BICRA: variants seen among roughly 807,000 people sequenced by gnomAD.
BICRA encodes the protein BRD4-interacting chromatin-remodeling complex-associated protein.
A neutral mutation model predicts 96.9 loss-of-function variants in BICRA; 31 were observed. The ratio of observed to expected loss-of-function variants is 0.32; its 90% confidence interval spans 0.24 to 0.43. The LOEUF (loss-of-function observed/expected upper bound fraction) is 0.43, where lower values mean the gene tolerates loss of function less well. Ranked by LOEUF, BICRA falls within the 20% of genes least tolerant of loss-of-function variation. The pLI is 1.00. For missense variants in BICRA, 2,283 were observed against 2,190.3 expected (o/e 1.04, Z -0.84); for synonymous variants, 1,350 against 1,071.8 (o/e 1.26, Z -5.07).
At chr19:47,666,665 T>TA (rs1972783963) in intron 1 of BICRA, among the ~76,000 whole-genome samples, 1 of 151,936 alleles carries the variant, frequency 6.6e-6, no homozygotes, top group East Asian at 1.9e-4. Flanking sequence ...TTGGCCTCTG[T>TA]AGCTCAAGTA....
Position 47,681,054 on chromosome 19 carries a change from C to T in BICRA, c.1884C>T (p.Pro628=), listed in dbSNP as rs1354006412. 3 of 1,407,628 alleles carry T rather than the reference C, an allele frequency of 2.1e-6. No homozygotes were observed. Among genetic ancestry groups the T allele is most frequent in the Non-Finnish European group, 2.8e-6 (3 of 1,087,892 alleles). The allele number at this position is 1,407,628 out of a possible 1,614,324, so 87.2% of individuals were successfully genotyped here. A position where few individuals can be genotyped will look rare whatever the true frequency, so the allele number is the denominator to read the frequency against. Residue 628 remains proline (P), a synonymous_variant, in exon 6 of 15, where the codon CCC becomes CCT. Coordinates refer to ENST00000594866, the MANE Select transcript of BICRA (RefSeq NM_001394372.1). ...CGGTGCAGCCTGCCCCCCAGGCGCC[C>T]CCCGCGGTCAGCACACCCCTGCCCC... The part of the protein sequence containing the change: ...VLTVQPAPQA[P]PAVSTPLPLG...
intron 1 of BICRA, among the ~76,000 whole-genome samples, chr19:47,641,980 T>C (rs8182469): frequency 0.33 from 50,747 of 152,030 alleles, 8,881 homozygotes; most frequent in East Asian, 0.59. Flanking sequence ...GTTTCTTAAG[T>C]CCTTTTTTGG....
intron 1 of BICRA, among the ~76,000 whole-genome samples, chr19:47,634,954 G>T (rs143580756): frequency 6.6e-6 from 1 of 151,848 alleles, no homozygotes; most frequent in South Asian, 2.1e-4. Context: ...AGTAGAGATG[G>T]GGTTTCACTG....
chr19:47,635,311 G>A (rs1175187580), intron 1 of BICRA, among the ~76,000 whole-genome samples: 1 of 151,356 alleles, frequency 6.6e-6, no homozygotes, highest in East Asian at 1.9e-4. Context: ...GCAGTGGCTG[G>A]ATCTTGGCTC....
chr19:47,669,807 C>G (rs1053259349), intron 1 of BICRA, among the ~76,000 whole-genome samples: 1 of 150,788 alleles, frequency 6.6e-6, no homozygotes, highest in Non-Finnish European at 1.5e-5. Flanking sequence ...CAGGCGCCCG[C>G]CAGCACGCCC....
At chr19:47,670,059 C>T (rs1303517074) in intron 1 of BICRA, among the ~76,000 whole-genome samples, 3 of 152,088 alleles carry the variant, frequency 2.0e-5, no homozygotes, top group African/African-American at 7.2e-5. Flanking sequence ...TCAAGCGATT[C>T]TCCTGCCTCA....
intron 1 of BICRA, among the ~76,000 whole-genome samples, chr19:47,650,805 A>G (rs1362940518): frequency 2.0e-5 from 3 of 152,106 alleles, no homozygotes; most frequent in Non-Finnish European, 4.4e-5. Flanking sequence ...GCTTCACTGA[A>G]GAGGGCAGTG....
At chr19:47,696,977 C>G (rs1973354599) in intron 11 of BICRA, among the ~76,000 whole-genome samples, 1 of 144,814 alleles carries the variant, frequency 6.9e-6, no homozygotes, top group South Asian at 2.3e-4. Flanking sequence ...CTCTCCTGCC[C>G]TCCTTCCACC....
At chr19:47,695,588 AC>A in intron 10 of BICRA, 114 bp downstream of exon 10, 1 of 633,124 alleles carries the variant, frequency 1.6e-6, no homozygotes. Context: ...TGAAGCTGGG[AC>A]CATCAGGCAG....
At chr19:47,631,137 C>T (rs1044807531) in intron 1 of BICRA, among the ~76,000 whole-genome samples, 5 of 152,158 alleles carry the variant, frequency 3.3e-5, no homozygotes, top group Non-Finnish European at 7.3e-5. Context: ...CTTACTGTAA[C>T]GTTGAACTCC....
At chr19:47,646,629 A>G (rs1972463845) in intron 1 of BICRA, among the ~76,000 whole-genome samples, 1 of 152,212 alleles carries the variant, frequency 6.6e-6, no homozygotes, top group East Asian at 1.9e-4. Flanking sequence ...TCCTCCTGAC[A>G]GTCCCTTGAA....
Position 47,679,414 on chromosome 19 carries a change from C to T in BICRA, c.244C>T (p.Leu82=), listed in dbSNP as rs1035833505. ...VDLDFLEDDI[L]GSPATGGGGG... ...CCTAGACTTCCTGGAAGATGACATC[C>T]TGGGCTCTCCTGCGACAGGGGGCGG... is the stretch of plus-strand genomic sequence containing the variant. The change falls in exon 6 of 15, where the codon CTG becomes TTG. Residue 82 remains leucine (L), a synonymous_variant. Transcript: ENST00000594866. 2 of 1,480,496 alleles carry T rather than the reference C, an allele frequency of 1.4e-6. No homozygotes were observed. The highest frequency in any genetic ancestry group is 2.9e-5 in the African/African-American group (2 of 69,422). The allele number at this position is 1,480,496 out of a possible 1,614,324, so 91.7% of individuals were successfully genotyped here. A position where few individuals can be genotyped will look rare whatever the true frequency, so the allele number is the denominator to read the frequency against.
chr19:47,665,445 G>T (rs1042795152), intron 1 of BICRA, among the ~76,000 whole-genome samples: 1 of 152,088 alleles, frequency 6.6e-6, no homozygotes, highest in East Asian at 1.9e-4. Context: ...CCATCAGACG[G>T]ATATATGATA....
At chr19:47,681,317 G>A (rs1219780358) in intron 6 of BICRA, 41 bp downstream of exon 6, 4 of 1,519,920 alleles carry the variant, frequency 2.6e-6, no homozygotes, top group Admixed American at 3.9e-5. Flanking sequence ...CGGAGGAGGC[G>A]GGTTTGGGAG....
chr19:47,668,076 A>C (rs1972809331), intron 1 of BICRA, among the ~76,000 whole-genome samples: 1 of 152,058 alleles, frequency 6.6e-6, no homozygotes, highest in Non-Finnish European at 1.5e-5. Flanking sequence ...TAAAAATATA[A>C]AAAATTAGCT....
intron 1 of BICRA, among the ~76,000 whole-genome samples, chr19:47,626,629 AACTCCT>A (rs1429598019): frequency 7.1e-6 from 1 of 141,466 alleles, no homozygotes; most frequent in Admixed American, 7.4e-5. Context: ...GGTGGTCTTG[AACTCCT>A]GGGCTCAGGT....
chr19:47,627,167 C>G (rs571829799), intron 1 of BICRA, among the ~76,000 whole-genome samples: 4 of 152,300 alleles, frequency 2.6e-5, no homozygotes, highest in African/African-American at 9.6e-5. Flanking sequence ...CTCTCTTTCT[C>G]CTTTTACGCT....
At chr19:47,689,693 C>T (rs531591306) in intron 7 of BICRA, among the ~76,000 whole-genome samples, 8 of 151,912 alleles carry the variant, frequency 5.3e-5, no homozygotes, top group Non-Finnish European at 8.8e-5. Context: ...TTATTATAGG[C>T]GTGAGCCACC....
intron 1 of BICRA, among the ~76,000 whole-genome samples, chr19:47,667,262 G>A (rs952114190): frequency 4.6e-5 from 7 of 152,058 alleles, no homozygotes; most frequent in Admixed American, 6.5e-5. Context: ...TGATCCGCCC[G>A]CCTTGGCCTC....
Sources: allele counts gnomAD v4.1 joint callset (sites outside exome capture counted in the v4.1 genomes callset), GRCh38; gene constraint gnomAD v4.1.1; transcripts MANE v1.5; gene names NCBI Gene and HGNC (gene_info 2026-07-23, HGNC 2026-07-21).